The following ARHGAP39 variants were observed in gnomAD, a reference collection of about 807,000 sequenced individuals.
ARHGAP39 encodes the protein Rho GTPase activating protein 39, also known as rho GTPase-activating protein 39.
A neutral mutation model predicts 106.9 loss-of-function variants in ARHGAP39; 44 were observed. The observed-to-expected ratio is 0.41, with a 90% CI of 0.32 to 0.53. The LOEUF (loss-of-function observed/expected upper bound fraction) is 0.53, where lower values mean the gene tolerates loss of function less well. Among genes scored for constraint, ARHGAP39 ranks in the 20% least tolerant of loss-of-function variants. ARHGAP39 has a pLI of 0.21. For missense variants in ARHGAP39, 1,496 were observed against 1,577.3 expected, an observed-to-expected ratio of 0.95 and a Z score of 0.87; for synonymous variants, 768 against 693.2, an observed-to-expected ratio of 1.11 and a Z score of -1.69.
chr8:144,535,102 G>A (rs980172410), intron 7 of ARHGAP39, among the ~76,000 whole-genome samples: 1 of 152,202 alleles, frequency 6.6e-6, no homozygotes. Flanking sequence ...AGCGCCCAGC[G>A]CCTACCGCCT....
chr8:144,655,234 T>C (rs1001282005), intron 1 of ARHGAP39, among the ~76,000 whole-genome samples: 1 of 152,116 alleles, frequency 6.6e-6, no homozygotes, highest in African/African-American at 2.4e-5. Context: ...TGGGAAGTTG[T>C]GGTGCCTTTT....
intron 1 of ARHGAP39, among the ~76,000 whole-genome samples, chr8:144,658,079 T>A (rs539933307): frequency 6.6e-6 from 1 of 152,142 alleles, no homozygotes; most frequent in Non-Finnish European, 1.5e-5. Flanking sequence ...ATGATATATA[T>A]AGGTTATATA....
chr8:144,689,619 T>C (rs1195875987), upstream of ARHGAP39, among the ~76,000 whole-genome samples: 1 of 150,890 alleles, frequency 6.6e-6, no homozygotes, highest in Non-Finnish European at 1.5e-5. Context: ...GTATTTTTAG[T>C]AACATGGGGT....
chr8:144,619,459 C>T (rs545483744), intron 1 of ARHGAP39, among the ~76,000 whole-genome samples: 93 of 150,836 alleles, frequency 6.2e-4, no homozygotes, highest in Admixed American at 3.2e-3. Context: ...TGCTCGTGTG[C>T]GCGTGAGCTC....
chr8:144,616,481 G>A (rs1250750419), intron 1 of ARHGAP39, among the ~76,000 whole-genome samples: 2 of 152,190 alleles, frequency 1.3e-5, no homozygotes, highest in Non-Finnish European at 2.9e-5. Flanking sequence ...GAGCCTGCTT[G>A]TGTCCTAGGA....
intron 2 of ARHGAP39, among the ~76,000 whole-genome samples, chr8:144,588,324 G>A (rs1237547200): frequency 6.6e-6 from 1 of 152,274 alleles, no homozygotes; most frequent in East Asian, 1.9e-4. Flanking sequence ...GCTCATGGAG[G>A]CACAAAACCA....
chr8:144,619,487 C>T (rs1373867714), intron 1 of ARHGAP39, among the ~76,000 whole-genome samples: 5 of 151,064 alleles, frequency 3.3e-5, no homozygotes, highest in Non-Finnish European at 5.9e-5. Context: ...CCTGAGAGAC[C>T]GTTTGTGTGA....
chr8:144,532,151 C>CCA (rs1328213416), intron 10 of ARHGAP39, among the ~76,000 whole-genome samples, 154 bp downstream of exon 10: 2 of 151,980 alleles, frequency 1.3e-5, no homozygotes, highest in Admixed American at 1.3e-4. Context: ...GGGAAACTGT[C>CCA]CAATGGGCAG....
intron 6 of ARHGAP39, among the ~76,000 whole-genome samples, chr8:144,538,519 C>G (rs935864991): frequency 5.9e-5 from 9 of 152,188 alleles, no homozygotes; most frequent in Non-Finnish European, 1.0e-4. Context: ...ACAGATTTGT[C>G]TATTCCTACC....
chr8:144,582,552 A>G (rs1819032902), intron 2 of ARHGAP39, among the ~76,000 whole-genome samples: 1 of 152,234 alleles, frequency 6.6e-6, no homozygotes, highest in Admixed American at 6.5e-5. Flanking sequence ...GGCCCTGGCC[A>G]CTGGGCACTG....
intron 1 of ARHGAP39, among the ~76,000 whole-genome samples, chr8:144,639,810 T>C (rs1468917771): frequency 6.6e-6 from 1 of 152,172 alleles, no homozygotes; most frequent in African/African-American, 2.4e-5. Context: ...AGTGAAAGCT[T>C]CACCTCGGCT....
At chr8:144,532,781 G>C (rs1451096793) in intron 9 of ARHGAP39, among the ~76,000 whole-genome samples, 1 of 152,214 alleles carries the variant, frequency 6.6e-6, no homozygotes, top group Non-Finnish European at 1.5e-5. Flanking sequence ...GGCACCCTGT[G>C]CCATCCCTGT....
intron 1 of ARHGAP39, among the ~76,000 whole-genome samples, chr8:144,653,161 T>C (rs1264570345): frequency 6.6e-6 from 1 of 152,064 alleles, no homozygotes; most frequent in Non-Finnish European, 1.5e-5. Context: ...CTGGGCGTGG[T>C]GGCATGTGCC....
At chr8:144,696,424 C>T in the ARHGAP39 span, among the ~76,000 whole-genome samples, 1 of 152,190 alleles carries the variant, frequency 6.6e-6, no homozygotes, top group East Asian at 1.9e-4. Flanking sequence ...CAGGGTGAGC[C>T]ACCGCACCTG....
chr8:144,640,661 G>A (rs1018719538), intron 1 of ARHGAP39, among the ~76,000 whole-genome samples: 3 of 152,140 alleles, frequency 2.0e-5, no homozygotes, highest in Non-Finnish European at 2.9e-5. Context: ...AGATTTAGCA[G>A]AAACAACAAA....
intron 2 of ARHGAP39, among the ~76,000 whole-genome samples, chr8:144,583,182 C>T (rs1194183067): frequency 3.9e-5 from 6 of 152,230 alleles, no homozygotes; most frequent in African/African-American, 1.4e-4. Flanking sequence ...GTCCCCCAGT[C>T]GCTCCTGACG....
chr8:144,587,990 A>G (rs1435001304), intron 2 of ARHGAP39, among the ~76,000 whole-genome samples: 1 of 152,238 alleles, frequency 6.6e-6, no homozygotes, highest in Non-Finnish European at 1.5e-5. Flanking sequence ...TGAAGGTGGA[A>G]GGCAGCACCC....
chr8:144,594,753 C>G (rs1001246220), intron 2 of ARHGAP39, among the ~76,000 whole-genome samples: 1 of 149,476 alleles, frequency 6.7e-6, no homozygotes, highest in Non-Finnish European at 1.5e-5. Flanking sequence ...GTGGTGGTGG[C>G]AAACATGTGT....
At chr8:144,682,946 G>A (rs1425253342) in intron 1 of ARHGAP39, among the ~76,000 whole-genome samples, 1 of 151,962 alleles carries the variant, frequency 6.6e-6, no homozygotes, top group Non-Finnish European at 1.5e-5. Context: ...GAGCACAGGA[G>A]GTCAAGGCTG....
Sources: allele counts gnomAD v4.1 joint callset (sites outside exome capture counted in the v4.1 genomes callset), GRCh38; gene constraint gnomAD v4.1.1; transcripts MANE v1.5; gene names NCBI Gene and HGNC (gene_info 2026-07-23, HGNC 2026-07-21).